Variants in SORCS2 observed in about 807,000 individuals in gnomAD.
SORCS2 encodes the protein VPS10 domain-containing receptor SorCS2.
In SORCS2, 100 loss-of-function variants were observed where a neutral mutation model predicts 141.6. The ratio of observed to expected loss-of-function variants is 0.71; its 90% CI spans 0.60 to 0.83. SORCS2 has a LOEUF of 0.83. Ranked by LOEUF, SORCS2 falls within the 40% of genes least tolerant of loss-of-function variation. The probability of loss-of-function intolerance (pLI) is 0.00; values close to 1 mark genes in which losing one functional copy is unlikely to be tolerated. For missense variants in SORCS2, 1,646 were observed against 1,560.2 expected (o/e 1.05, Z -0.93); for synonymous variants, 789 against 676.9 (o/e 1.17, Z -2.57).
At chr4:7,674,992 G>A (rs1314389300) in intron 8 of SORCS2, among the ~76,000 whole-genome samples, 1 of 152,142 alleles carries the variant, frequency 6.6e-6, no homozygotes, top group Admixed American at 6.5e-5. Context: ...GTTCTCAGAG[G>A]GTGATGAAGC....
At chr4:7,659,559 C>G (rs1722021172) in intron 5 of SORCS2, among the ~76,000 whole-genome samples, 1 of 152,246 alleles carries the variant, frequency 6.6e-6, no homozygotes, top group African/African-American at 2.4e-5. Context: ...CAACCCTGAG[C>G]AGCAGCCTTT....
At chr4:7,296,045 G>C (rs893942634) in intron 1 of SORCS2, among the ~76,000 whole-genome samples, 2 of 152,184 alleles carry the variant, frequency 1.3e-5, no homozygotes, top group Non-Finnish European at 2.9e-5. Flanking sequence ...GTCCGTGCTG[G>C]GGGCCACAGG....
intron 1 of SORCS2, among the ~76,000 whole-genome samples, chr4:7,370,770 C>T (rs1722199511): frequency 1.3e-5 from 2 of 152,218 alleles, no homozygotes. Context: ...AGGGACTGGG[C>T]CCCCTTTACT....
chr4:7,218,754 T>A (rs1443050547), intron 1 of SORCS2, among the ~76,000 whole-genome samples: 5 of 152,230 alleles, frequency 3.3e-5, no homozygotes, highest in Non-Finnish European at 7.3e-5. Flanking sequence ...ATCATAACGA[T>A]GAATCCCGAT....
intron 1 of SORCS2, among the ~76,000 whole-genome samples, chr4:7,218,466 G>A (rs1427986413): frequency 1.3e-5 from 2 of 152,166 alleles, no homozygotes; most frequent in African/African-American, 4.8e-5. Flanking sequence ...ACTTTTCATA[G>A]ATATTAATTA....
At chr4:7,630,891 C>T (rs990002595) in intron 3 of SORCS2, among the ~76,000 whole-genome samples, 1 of 152,010 alleles carries the variant, frequency 6.6e-6, no homozygotes, top group Non-Finnish European at 1.5e-5. Context: ...CCAAATGACA[C>T]CAATCCTTAG....
chr4:7,357,210 C>T (rs1046274960), intron 1 of SORCS2, among the ~76,000 whole-genome samples: 14 of 152,090 alleles, frequency 9.2e-5, no homozygotes, highest in African/African-American at 1.9e-4. Flanking sequence ...ATGCCTGCCC[C>T]GGGGACTCGG....
Position 7,638,477 on chromosome 4 carries a change from C to T in SORCS2, c.798C>T (p.Tyr266=), listed in dbSNP as rs747656400. 1.3e-5 allele frequency: 21 copies of T among 1,611,216 alleles called. No homozygotes were observed. The African/African-American group carries it at 2.0e-4, about 15-fold the overall frequency. The change falls in exon 4 of 27, where the codon TAC becomes TAT. Residue 266 remains tyrosine (Y), a synonymous_variant. Coordinates refer to ENST00000507866, the MANE Select transcript of SORCS2 (RefSeq NM_020777.3). ...AGGAGGAGGACAAGGTCCTCGCCTACACAAAGGAGAGCAAGGTAAGATATA... is the reference window on the plus strand; with the variant it reads ...AGGAGGAGGACAAGGTCCTCGCCTATACAAAGGAGAGCAAGGTAAGATATA... ...HPKEEDKVLA[Y]TKESKLYVSS...
intron 1 of SORCS2, among the ~76,000 whole-genome samples, chr4:7,255,185 C>T (rs981992036): frequency 2.6e-5 from 4 of 151,922 alleles, no homozygotes; most frequent in African/African-American, 4.8e-5. Flanking sequence ...CCTGCCCTAG[C>T]GGAGGTGACA....
intron 1 of SORCS2, among the ~76,000 whole-genome samples, chr4:7,377,613 T>C (rs1056828676): frequency 1.3e-5 from 2 of 152,266 alleles, no homozygotes; most frequent in South Asian, 4.1e-4. Flanking sequence ...TTGATGGAGA[T>C]GGCTCTGTTT....
At chr4:7,324,465 C>T (rs2108952052) in intron 1 of SORCS2, among the ~76,000 whole-genome samples, 1 of 152,344 alleles carries the variant, frequency 6.6e-6, no homozygotes, top group Admixed American at 6.5e-5. Flanking sequence ...ACCATCTCCG[C>T]CCAGCCCAGC....
chr4:7,425,216 A>G (rs1197315695), intron 2 of SORCS2, among the ~76,000 whole-genome samples: 2 of 152,102 alleles, frequency 1.3e-5, no homozygotes, highest in African/African-American at 4.8e-5. Context: ...AATGTCCCAA[A>G]TCCCTGGCCC....
At chr4:7,401,202 T>TATGG (rs1375886797) in intron 2 of SORCS2, among the ~76,000 whole-genome samples, 1 of 127,378 alleles carries the variant, frequency 7.9e-6, no homozygotes, top group Non-Finnish European at 1.7e-5. Flanking sequence ...TAGATGGATA[T>TATGG]ATGGATGGAT....
chr4:7,299,594 G>T (rs752678248), intron 1 of SORCS2, among the ~76,000 whole-genome samples: 13 of 152,220 alleles, frequency 8.5e-5, no homozygotes, highest in Non-Finnish European at 1.6e-4. Flanking sequence ...GTTGGTTTCT[G>T]TTGTCCTTTC....
chr4:7,293,196 C>G (rs1025020415), intron 1 of SORCS2, among the ~76,000 whole-genome samples: 1 of 151,760 alleles, frequency 6.6e-6, no homozygotes, highest in Admixed American at 6.6e-5. Flanking sequence ...CCCAGCTACT[C>G]GGGAGGCTAA....
intron 2 of SORCS2, among the ~76,000 whole-genome samples, chr4:7,461,411 C>T (rs993184430): frequency 5.3e-5 from 8 of 152,172 alleles, no homozygotes; most frequent in East Asian, 1.9e-4. Flanking sequence ...TCAGCCTGGC[C>T]GCGCCAAGGC....
rs183944035 is a variant in SORCS2, at chr4:7,682,334, G to A, written c.1342-409G>A. Among the ~76,000 whole-genome samples the A allele has an allele frequency of 8.7e-4, 133 of 152,272 alleles. 1 individual carries two copies. The highest frequency in any genetic ancestry group is 3.1e-3 in the African/African-American group (128 of 41,554). ...AGGCAATTCTATTGGTCCAGGATGT[G>A]TGGTCCAATAGAAAGAAGAGGCACT... is the stretch of plus-strand genomic sequence containing the variant. On this transcript the variant is annotated intron_variant, in intron 9 of 26. Transcript: ENST00000507866.
intron 2 of SORCS2, among the ~76,000 whole-genome samples, chr4:7,518,888 T>A (rs1002880068): frequency 1.3e-5 from 2 of 151,968 alleles, no homozygotes; most frequent in African/African-American, 4.8e-5. Flanking sequence ...GGACGGCTGC[T>A]TCACAGTGAG....
chr4:7,416,813 T>C (rs923525587), intron 2 of SORCS2, among the ~76,000 whole-genome samples: 4 of 151,020 alleles, frequency 2.6e-5, no homozygotes, highest in Admixed American at 6.6e-5. Flanking sequence ...CATGCATGCA[T>C]GTACACACTT....
Sources: gnomAD v4.1 joint callset for allele counts (sites outside exome capture counted in the v4.1 genomes callset) on GRCh38, gnomAD v4.1.1 for gene constraint, MANE v1.5 for transcripts, NCBI Gene and HGNC (gene_info 2026-07-23, HGNC 2026-07-21) for gene names.